Variants in TOP1 observed in about 807,000 individuals in gnomAD.
The protein encoded by TOP1 is DNA topoisomerase I, also known as DNA topoisomerase 1.
In TOP1, 10 loss-of-function variants were observed where a neutral mutation model predicts 111.1. That is an observed-to-expected ratio of 0.09 (90% CI 0.06 to 0.15). The LOEUF (loss-of-function observed/expected upper bound fraction) is 0.15. TOP1 is among the 10% of genes least tolerant of loss of function. The pLI, the probability that TOP1 is intolerant of heterozygous loss-of-function variation, is 1.00. For synonymous variants in TOP1, 271 were observed against 302.9 expected (o/e 0.89, Z 1.10); for missense variants, 474 against 926.7 (o/e 0.51, Z 6.34).
In TOP1 at chr20:41,095,898, T is replaced by C. The variant is rs531838887; in HGVS notation, c.731-1322T>C. On this transcript the variant is annotated intron_variant, in intron 9 of 20. Coordinates refer to ENST00000361337, the MANE Select transcript of TOP1 (RefSeq NM_003286.4). The surrounding 1 kb of genome is among the most constrained non-coding windows in gnomAD (Gnocchi z 4.6). ...TGGATTTTTAAGAAAGAATGGAAAT[T>C]GGCACTAAGAGTACTGTCAAAAGCA... 6.6e-6 allele frequency among the ~76,000 whole-genome samples: 1 copy of C among 152,290 alleles called. No individual in the cohort carries two copies. Among genetic ancestry groups the C allele is most frequent in the East Asian group, 1.9e-4 (1 of 5,188 alleles).
Position 41,121,846 on chromosome 20 carries a change from GTCAGGGCCCCT to G in TOP1, c.2045+57_2045+67del. The G allele has an allele frequency of 6.3e-7, 1 of 1,582,416 alleles. No individual in the cohort carries two copies. Among genetic ancestry groups the G allele is most frequent in the Non-Finnish European group, 8.7e-7 (1 of 1,152,078 alleles). On this transcript the variant is annotated intron_variant, in intron 19 of 20. Coordinates refer to ENST00000361337, the MANE Select transcript of TOP1 (RefSeq NM_003286.4). The surrounding 1 kb of genome is among the most constrained non-coding windows in gnomAD (Gnocchi z 4.2). ...TGGTAGAGAAAAGTGTGCAGCATCTGTCAGGGCCCCTGGGGCCCTGGCTTTTCGATGGTTTC... is the reference window on the plus strand; with the variant it reads ...TGGTAGAGAAAAGTGTGCAGCATCTGGGGGCCCTGGCTTTTCGATGGTTTC...
At chr20:41,033,908 A>G (rs1162282826) in intron 2 of TOP1, among the ~76,000 whole-genome samples, 1 of 152,156 alleles carries the variant, frequency 6.6e-6, no homozygotes, top group African/African-American at 2.4e-5. Context: ...TGGGAAAATG[A>G]ATTCAAATGT....
intron 18 of TOP1, among the ~76,000 whole-genome samples, chr20:41,119,984 G>T (rs1013631433): frequency 6.6e-6 from 1 of 152,192 alleles, no homozygotes; most frequent in African/African-American, 2.4e-5. Flanking sequence ...TGTTGCTCTC[G>T]CTCTGGAACC....
At chr20:41,038,310 C>T (rs972173344) in intron 2 of TOP1, among the ~76,000 whole-genome samples, 3 of 152,132 alleles carry the variant, frequency 2.0e-5, no homozygotes, top group Admixed American at 2.0e-4. Flanking sequence ...AGGTTTAATA[C>T]TTACCTTACA....
intron 8 of TOP1, among the ~76,000 whole-genome samples, chr20:41,088,505 A>T (rs954172185): frequency 2.0e-5 from 3 of 152,174 alleles, no homozygotes; most frequent in African/African-American, 4.8e-5. Flanking sequence ...TCTGTCTCAA[A>T]AAATAAATAA....
At chr20:41,049,935 A>G (rs908407634) in intron 2 of TOP1, among the ~76,000 whole-genome samples, 1 of 152,156 alleles carries the variant, frequency 6.6e-6, no homozygotes, top group African/African-American at 2.4e-5. Flanking sequence ...ATTCTTGTTT[A>G]TATGCAATAC....
At chr20:41,048,426 T>C (rs1396647677) in intron 2 of TOP1, among the ~76,000 whole-genome samples, 2 of 152,206 alleles carry the variant, frequency 1.3e-5, no homozygotes, top group Admixed American at 1.3e-4. Context: ...TCCTTTTACC[T>C]AAATCCACAT....
In TOP1 at chr20:41,028,962, C is replaced by T. The variant is rs2033076612; in HGVS notation, c.-106C>T. Reference sequence around the variant, plus strand: ...CCACAGTCACCGCCGCTTACCTGCGCCTCCTCGAGCCTCCGGAGTCCCCGT... The same window carrying T: ...CCACAGTCACCGCCGCTTACCTGCGTCTCCTCGAGCCTCCGGAGTCCCCGT... On this transcript the variant is annotated 5_prime_UTR_variant, in exon 1 of 21. Coordinates refer to ENST00000361337, the MANE Select transcript of TOP1 (RefSeq NM_003286.4). 2 of 928,386 alleles carry T rather than the reference C, an allele frequency of 2.2e-6. No homozygotes were observed. Among genetic ancestry groups the T allele is most frequent in the Non-Finnish European group, 1.6e-6 (1 of 610,116 alleles). 57.5% of individuals were successfully genotyped at this position (928,386 alleles called of 1,614,324 possible).
At chr20:41,033,092 G>GT (rs971353000) in intron 2 of TOP1, among the ~76,000 whole-genome samples, 1 of 151,988 alleles carries the variant, frequency 6.6e-6, no homozygotes, top group Non-Finnish European at 1.5e-5. Flanking sequence ...GTCAATATGT[G>GT]TTTTTTTAGT....
chr20:41,118,608 A>G lies in TOP1; in HGVS notation c.1950+312A>G, dbSNP rs1397275536. ...TCCTTATTGTACATGAGGAAAGTGG[A>G]TTTAAAGAGAGTCTTCATAATTCCT... On this transcript the variant is annotated intron_variant, in intron 18 of 20. Coordinates refer to ENST00000361337, the MANE Select transcript of TOP1 (RefSeq NM_003286.4). This position sits in a 1 kb window ranked among gnomAD's most constrained non-coding sequence, Gnocchi z 4.6. 6.6e-6 allele frequency among the ~76,000 whole-genome samples: 1 copy of G among 152,234 alleles called. No individual in the cohort carries two copies. The highest frequency in any genetic ancestry group is 1.5e-5 in the Non-Finnish European group (1 of 68,044).
chr20:41,065,976 T>G (rs1490869095), intron 3 of TOP1, among the ~76,000 whole-genome samples: 1 of 152,110 alleles, frequency 6.6e-6, no homozygotes. Context: ...AAAAAAAAAT[T>G]AGATAACCTT....
In TOP1 at chr20:41,029,104, C is replaced by T. The variant is rs774757827; in HGVS notation, c.33+4C>T. The T allele has an allele frequency of 1.3e-6, 2 of 1,518,590 alleles. No individual in the cohort carries two copies. The highest frequency in any genetic ancestry group is 1.2e-5 in the South Asian group (1 of 82,008). The allele number at this position is 1,518,590 out of a possible 1,614,324, so 94.1% of individuals were successfully genotyped here. A position where few individuals can be genotyped will look rare whatever the true frequency, so the allele number is the denominator to read the frequency against. On this transcript the variant is annotated splice_donor_region_variant and intron_variant, in intron 1 of 20. Transcript: ENST00000361337. The surrounding 1 kb of genome is among the most constrained non-coding windows in gnomAD (Gnocchi z 6.1). Reference sequence around the variant, plus strand: ...CCACCTCCACAACGATTCCCAGGTACGGCCCGGCCTGACCCTGGCGGCCCC... The same window carrying T: ...CCACCTCCACAACGATTCCCAGGTATGGCCCGGCCTGACCCTGGCGGCCCC...
intron 2 of TOP1, among the ~76,000 whole-genome samples, chr20:41,060,533 G>A (rs1240195883): frequency 2.0e-5 from 3 of 152,168 alleles, no homozygotes; most frequent in Non-Finnish European, 4.4e-5. Context: ...GAAGGAGCAC[G>A]AGGGAAACTT....
intron 8 of TOP1, among the ~76,000 whole-genome samples, chr20:41,085,767 C>T (rs1168574884): frequency 6.6e-6 from 1 of 152,080 alleles, no homozygotes; most frequent in Non-Finnish European, 1.5e-5. Flanking sequence ...ACTTTGATGT[C>T]CACAGCACCT....
chr20:41,052,384 C>T (rs1430207812), intron 2 of TOP1, among the ~76,000 whole-genome samples: 1 of 152,170 alleles, frequency 6.6e-6, no homozygotes, highest in Non-Finnish European at 1.5e-5. Context: ...TTGGTTATTT[C>T]TTCCCCTCAT....
chr20:41,066,993 G>A (rs1042614821), intron 3 of TOP1, among the ~76,000 whole-genome samples: 1 of 152,124 alleles, frequency 6.6e-6, no homozygotes, highest in Non-Finnish European at 1.5e-5. Flanking sequence ...ATTCACATGA[G>A]TAAATTTTAA....
At position 41,100,252 on chromosome 20, in the gene TOP1, G is replaced by T. The variant is rs1258649896; in HGVS notation, c.1163+9G>T. 1 of 1,607,720 alleles carries T rather than the reference G, an allele frequency of 6.2e-7. No individual in the cohort carries two copies. The highest frequency in any genetic ancestry group is 1.3e-5 in the African/African-American group (1 of 74,774). ...ATCATCAACTGTAGCAAGTGAGCTC[G>T]CACTTCATCCTATGGGCCAAAAAGG... is the stretch of plus-strand genomic sequence containing the variant. On this transcript the variant is annotated intron_variant, in intron 12 of 20. Transcript: ENST00000361337. This position sits in a 1 kb window ranked among gnomAD's most constrained non-coding sequence, Gnocchi z 4.4.
At position 41,092,377 on chromosome 20, in the gene TOP1, TC is replaced by T. The variant is rs1447039670; in HGVS notation, c.615-94del. The stretch of plus-strand genomic sequence containing the variant: ...CCCAGAAGTCATTCCAGAGCACTAA[TC>T]AGTTGAGCGGATAATTATTTGGCAT... On this transcript the variant is annotated intron_variant, in intron 8 of 20. Coordinates refer to ENST00000361337, the MANE Select transcript of TOP1 (RefSeq NM_003286.4). The surrounding 1 kb of genome is among the most constrained non-coding windows in gnomAD (Gnocchi z 4.3). 1 of 569,540 alleles carries T rather than the reference TC, an allele frequency of 1.8e-6. No homozygotes were observed. Among genetic ancestry groups the T allele is most frequent in the Admixed American group, 3.1e-5 (1 of 31,786 alleles). 35.3% of individuals were successfully genotyped at this position (569,540 alleles called of 1,614,324 possible). A position where few individuals can be genotyped will look rare whatever the true frequency, so the allele number is the denominator to read the frequency against.
At position 41,123,387 on chromosome 20, in the gene TOP1, G is replaced by T. The variant is rs905981777; in HGVS notation, c.*90G>T. The T allele has an allele frequency of 1.9e-5, 17 of 889,242 alleles. No individual in the cohort carries two copies. In the African/African-American group the frequency reaches 2.5e-4, roughly 13 times the overall value. The allele number at this position is 889,242 out of a possible 1,614,324, so 55.1% of individuals were successfully genotyped here. On this transcript the variant is annotated 3_prime_UTR_variant, in exon 21 of 21. Transcript: ENST00000361337. The surrounding 1 kb of genome is among the most constrained non-coding windows in gnomAD (Gnocchi z 5.8). ...AGCCTCACTTGCCCTCGTGCCTGGGGGAGAGAGGCAGCAAGTCTTAACAAA... is the reference window on the plus strand; with the variant it reads ...AGCCTCACTTGCCCTCGTGCCTGGGTGAGAGAGGCAGCAAGTCTTAACAAA...
Sources: gnomAD v4.1 joint callset for allele counts (sites outside exome capture counted in the v4.1 genomes callset) on GRCh38, gnomAD v4.1.1 for gene constraint, Gnocchi (gnomAD v3.1) non-coding constraint, MANE v1.5 for transcripts, NCBI Gene and HGNC (gene_info 2026-07-23, HGNC 2026-07-21) for gene names.